Variants in TUBA1C observed in about 807,000 individuals in gnomAD.
TUBA1C encodes the protein tubulin alpha 1c.
A neutral mutation model predicts 34.9 loss-of-function variants in TUBA1C; 16 were observed. The ratio of observed to expected loss-of-function variants is 0.46; its 90% confidence interval spans 0.31 to 0.70. The LOEUF (loss-of-function observed/expected upper bound fraction) is 0.70. TUBA1C is among the 30% of genes least tolerant of loss of function. The pLI, the probability that TUBA1C is intolerant of heterozygous loss-of-function variation, is 0.05. For synonymous variants in TUBA1C, 177 were observed against 215.9 expected (o/e 0.82, Z 1.58); for missense variants, 329 against 587.3 (o/e 0.56, Z 4.55).
chr12:49,273,470 G>T lies in TUBA1C; in HGVS notation c.*243G>T, dbSNP rs751019214. The T allele has an allele frequency of 3.3e-6, 2 of 600,104 alleles. No individual in the cohort carries two copies. The highest frequency in any genetic ancestry group is 5.7e-6 in the Non-Finnish European group (2 of 353,962). The allele number at this position is 600,104 out of a possible 1,614,324, so 37.2% of individuals were successfully genotyped here. A position where few individuals can be genotyped will look rare whatever the true frequency, so the allele number is the denominator to read the frequency against. On this transcript the variant is annotated 3_prime_UTR_variant, in exon 4 of 4. Transcript: ENST00000301072. ...GCATGATAATACATAGCTCATTGCA[G>T]CCTCGAGCTCCTGGACTCATGTGAT...
chr12:49,273,593 G>A lies in TUBA1C; in HGVS notation c.*366G>A. 1 of 324,696 alleles carries A rather than the reference G, an allele frequency of 3.1e-6. No homozygotes were observed. The highest frequency in any genetic ancestry group is 5.9e-6 in the Non-Finnish European group (1 of 168,776). 20.1% of individuals were successfully genotyped at this position (324,696 alleles called of 1,614,324 possible). A position where few individuals can be genotyped will look rare whatever the true frequency, so the allele number is the denominator to read the frequency against. ...TGTAGAGATGGGGCCTTGCTATGCT[G>A]CCCAGGGTGGTCTTCAACTGGCTTC... is the stretch of plus-strand genomic sequence containing the variant. On this transcript the variant is annotated 3_prime_UTR_variant, in exon 4 of 4. Transcript: ENST00000301072.
intron 1 of TUBA1C, among the ~76,000 whole-genome samples, chr12:49,254,804 T>C (rs1942766761): frequency 2.0e-5 from 3 of 152,292 alleles, no homozygotes; most frequent in Admixed American, 6.5e-5. Flanking sequence ...TTTGTCTTTC[T>C]GGTGACCAGA....
chr12:49,236,321 A>G (rs1942554885), intron 1 of TUBA1C, among the ~76,000 whole-genome samples: 1 of 152,162 alleles, frequency 6.6e-6, no homozygotes, highest in Non-Finnish European at 1.5e-5. Flanking sequence ...ACGTTGGGAG[A>G]ACTGGTAGAA....
At chr12:49,257,499 A>G (rs1942796337) in intron 1 of TUBA1C, among the ~76,000 whole-genome samples, 1 of 151,846 alleles carries the variant, frequency 6.6e-6, no homozygotes, top group Non-Finnish European at 1.5e-5. Flanking sequence ...TTACGTTTGC[A>G]GGCCAGGCGA....
chr12:49,265,510 C>A (rs1406436725), intron 1 of TUBA1C, among the ~76,000 whole-genome samples: 1 of 152,228 alleles, frequency 6.6e-6, no homozygotes, highest in Admixed American at 6.5e-5. Context: ...AGAACTTAAA[C>A]TAAAAATCCC....
chr12:49,257,700 G>C (rs1211526873), intron 1 of TUBA1C, among the ~76,000 whole-genome samples: 15 of 151,960 alleles, frequency 9.9e-5, no homozygotes, highest in African/African-American at 3.4e-4. Context: ...GATTGCTTGA[G>C]CCCAGGAAGT....
At chr12:49,246,417 C>T (rs1247972933) in intron 1 of TUBA1C, among the ~76,000 whole-genome samples, 1 of 151,518 alleles carries the variant, frequency 6.6e-6, no homozygotes, top group Admixed American at 6.6e-5. Flanking sequence ...CGGTGGCTCA[C>T]GCCTGTAATC....
At chr12:49,253,708 T>G (rs1354301945) in intron 1 of TUBA1C, among the ~76,000 whole-genome samples, 2 of 152,094 alleles carry the variant, frequency 1.3e-5, no homozygotes, top group Non-Finnish European at 2.9e-5. Flanking sequence ...TAAATTTTTT[T>G]GTAGGGACAG....
intron 1 of TUBA1C, among the ~76,000 whole-genome samples, chr12:49,266,563 C>T (rs1046340697): frequency 6.6e-6 from 1 of 152,064 alleles, no homozygotes; most frequent in African/African-American, 2.4e-5. Context: ...AAACAACTAT[C>T]TTAGGCCGGG....
rs1271790118 is a variant in TUBA1C, at chr12:49,266,305, T to C, written c.3+1121T>C. ...ATTAGCTGGGCGTGGTGGCAGGCGC[T>C]TGTAGTCTCAGCTACTCGGGAGGCT... On this transcript the variant is annotated intron_variant, in intron 1 of 3. Coordinates refer to ENST00000301072, the MANE Select transcript of TUBA1C (RefSeq NM_032704.5). Among the ~76,000 whole-genome samples, 68 of 146,300 alleles carry C rather than the reference T, an allele frequency of 4.6e-4. 1 individual carries two copies. The South Asian group carries it at 0.012, about 25-fold the overall frequency.
chr12:49,266,975 T>G (rs1231789364), intron 1 of TUBA1C, among the ~76,000 whole-genome samples: 1 of 152,214 alleles, frequency 6.6e-6, no homozygotes, highest in Non-Finnish European at 1.5e-5. Flanking sequence ...TGAGACCCTT[T>G]AAAAAGCAGG....
chr12:49,241,049 G>A (rs1942610065), intron 1 of TUBA1C, among the ~76,000 whole-genome samples: 1 of 152,012 alleles, frequency 6.6e-6, no homozygotes, highest in African/African-American at 2.4e-5. Flanking sequence ...CTATAGGAGT[G>A]CACCACCACG....
intron 1 of TUBA1C, among the ~76,000 whole-genome samples, chr12:49,229,540 A>C (rs983253667): frequency 2.0e-5 from 3 of 152,076 alleles, no homozygotes; most frequent in Non-Finnish European, 4.4e-5. Context: ...TATACGAATA[A>C]ATTATCTTGT....
At chr12:49,256,493 C>CT (rs1477884150) in intron 1 of TUBA1C, 1 of 450,260 alleles carries the variant, frequency 2.2e-6, no homozygotes, top group Admixed American at 2.4e-5. Context: ...CAGGCTGTTC[C>CT]GTATCACCCA....
intron 1 of TUBA1C, among the ~76,000 whole-genome samples, chr12:49,268,651 T>C (rs1942947983): frequency 6.6e-6 from 1 of 152,208 alleles, no homozygotes; most frequent in Non-Finnish European, 1.5e-5. Context: ...TTCCTATAGA[T>C]TAGATTCTTC....
intron 1 of TUBA1C, among the ~76,000 whole-genome samples, chr12:49,244,207 C>T (rs1019979343): frequency 2.7e-5 from 4 of 150,174 alleles, no homozygotes; most frequent in African/African-American, 9.8e-5. Flanking sequence ...CCTGCAGAAA[C>T]AGCTGAATTT....
intron 3 of TUBA1C, chr12:49,270,214 G>A (rs1942973126): frequency 2.7e-6 from 2 of 741,612 alleles, no homozygotes; most frequent in African/African-American, 1.7e-5. Context: ...CCCCTTTTGA[G>A]GTCATCTTAG....
Position 49,265,195 on chromosome 12 carries a change from T to C in TUBA1C, c.3+11T>C. 1 of 1,598,214 alleles carries C rather than the reference T, an allele frequency of 6.3e-7. No individual in the cohort carries two copies. Among genetic ancestry groups the C allele is most frequent in the Non-Finnish European group, 8.6e-7 (1 of 1,169,450 alleles). On this transcript the variant is annotated intron_variant, in intron 1 of 3. Coordinates refer to ENST00000301072, the MANE Select transcript of TUBA1C (RefSeq NM_032704.5). ...CAAGTTCTAGTCATGGTGAGTGGGGTTCCCTCGGGGCTGGGGAAGAGTGCG... is the reference window on the plus strand; with the variant it reads ...CAAGTTCTAGTCATGGTGAGTGGGGCTCCCTCGGGGCTGGGGAAGAGTGCG...
chr12:49,273,142 G>T lies in TUBA1C; in HGVS notation c.1265G>T (p.Arg422Leu). 6.2e-7 allele frequency: 1 copy of T among 1,614,220 alleles called. No individual in the cohort carries two copies. Residue 422 changes from arginine to leucine, a missense_variant, in exon 4 of 4, where the codon CGT becomes CTT. Transcript: ENST00000301072. The part of the protein sequence containing the change: ...GMEEGEFSEA[R>L]EDMAALEKDY... ...GAGGAAGGCGAGTTTTCAGAGGCCC[G>T]TGAGGACATGGCTGCCCTTGAGAAG... is the stretch of plus-strand genomic sequence containing the variant.
Sources: allele counts gnomAD v4.1 joint callset (sites outside exome capture counted in the v4.1 genomes callset), GRCh38; gene constraint gnomAD v4.1.1; transcripts MANE v1.5; gene names NCBI Gene and HGNC (gene_info 2026-07-23, HGNC 2026-07-21).